The following STK32A variants were observed in gnomAD, a reference collection of about 807,000 sequenced individuals.
STK32A encodes serine/threonine kinase 32A.
A neutral mutation model predicts 53.2 loss-of-function variants in STK32A; 41 were observed. That is an observed-to-expected ratio of 0.77 (90% CI 0.60 to 1.00). STK32A has a LOEUF of 1.00. Ranked by LOEUF, STK32A falls within the 50% of genes least tolerant of loss-of-function variation. The pLI is 0.00. For synonymous variants in STK32A, 166 were observed against 162.8 expected (o/e 1.02, Z -0.15); for missense variants, 458 against 485.8 (o/e 0.94, Z 0.54).
intron 6 of STK32A, among the ~76,000 whole-genome samples, chr5:147,343,464 CT>C: frequency 6.6e-6 from 1 of 152,154 alleles, no homozygotes; most frequent in Non-Finnish European, 1.5e-5. Flanking sequence ...ATTGCATCTA[CT>C]TTTTTGCATT....
At chr5:147,396,521 C>T in the STK32A span, among the ~76,000 whole-genome samples, 1 of 152,142 alleles carries the variant, frequency 6.6e-6, no homozygotes, top group Non-Finnish European at 1.5e-5. Context: ...GGAGCCTGAC[C>T]GTGCAGGATG....
At chr5:147,299,019 C>T (rs1032545080) in intron 4 of STK32A, among the ~76,000 whole-genome samples, 2 of 151,970 alleles carry the variant, frequency 1.3e-5, no homozygotes, top group East Asian at 1.9e-4. Context: ...GATCCATACC[C>T]CAAGAGAGGG....
chr5:147,268,329 TCTC>T (rs1422686349), intron 2 of STK32A, among the ~76,000 whole-genome samples: 3 of 152,176 alleles, frequency 2.0e-5, no homozygotes, highest in South Asian at 2.1e-4. Flanking sequence ...GTTGTAATAA[TCTC>T]CTCTAGGATG....
rs1041341728 is a variant in STK32A at position 147,347,006 on chromosome 5, G to A, written c.472+3963G>A. ...GTGTCCTTTTAAAACAACATACAGTGTAGAATACAGTAACTTATCCCCATT... is the reference window on the plus strand; with the variant it reads ...GTGTCCTTTTAAAACAACATACAGTATAGAATACAGTAACTTATCCCCATT... On this transcript the variant is annotated intron_variant, in intron 6 of 12. Transcript: ENST00000397936. Among the ~76,000 whole-genome samples, 14 of 152,282 alleles carry A rather than the reference G, an allele frequency of 9.2e-5. No individual in the cohort carries two copies. The East Asian group carries it at 2.5e-3, about 27-fold the overall frequency.
the STK32A span, chr5:147,400,905 G>A: frequency 6.4e-7 from 1 of 1,559,570 alleles, no homozygotes; most frequent in Non-Finnish European, 8.7e-7. Context: ...AGAGTCTTGT[G>A]TTTACTGTGA....
intron 2 of STK32A, among the ~76,000 whole-genome samples, chr5:147,276,467 A>C (rs1755266515): frequency 6.6e-6 from 1 of 152,244 alleles, no homozygotes; most frequent in African/African-American, 2.4e-5. Flanking sequence ...CACAGCTCAA[A>C]AACACTGCCT....
chr5:147,254,410 T>C (rs1407177299), intron 2 of STK32A, among the ~76,000 whole-genome samples: 1 of 152,210 alleles, frequency 6.6e-6, no homozygotes, highest in Non-Finnish European at 1.5e-5. Flanking sequence ...CTTTACATAC[T>C]AAGGGTTCCC....
intron 1 of STK32A, among the ~76,000 whole-genome samples, chr5:147,237,431 C>G (rs778952405): frequency 2.6e-5 from 4 of 152,124 alleles, no homozygotes; most frequent in Non-Finnish European, 4.4e-5. Context: ...GCACAAAGAC[C>G]ACCCCATTTG....
At chr5:147,373,680 GA>G (rs1278445091) in intron 10 of STK32A, among the ~76,000 whole-genome samples, 2 of 152,122 alleles carry the variant, frequency 1.3e-5, no homozygotes, top group Non-Finnish European at 2.9e-5. Flanking sequence ...CTGAGTCAAA[GA>G]ATTGAAAATT....
Position 147,386,745 on chromosome 5 carries a change from G to A in STK32A, c.*2762G>A, listed in dbSNP as rs557825816. 6.6e-6 allele frequency: 1 copy of A among 152,318 alleles called. No homozygotes were observed. The highest frequency in any genetic ancestry group is 6.5e-5 in the Admixed American group (1 of 15,302). 9.4% of individuals were successfully genotyped at this position (152,318 alleles called of 1,614,324 possible). Reference sequence around the variant, plus strand: ...GTGCTAGCCAGGTGAATGACACACAGTGTATTTCAAGTTTGAAAAGCAAAA... The same window carrying A: ...GTGCTAGCCAGGTGAATGACACACAATGTATTTCAAGTTTGAAAAGCAAAA... On this transcript the variant is annotated 3_prime_UTR_variant, in exon 13 of 13. Transcript: ENST00000397936.
chr5:147,378,997 A>G (rs1757348201), intron 11 of STK32A, among the ~76,000 whole-genome samples: 1 of 151,524 alleles, frequency 6.6e-6, no homozygotes, highest in African/African-American at 2.4e-5. Context: ...AATAGCATTG[A>G]ATCTATAAAT....
intron 4 of STK32A, among the ~76,000 whole-genome samples, chr5:147,301,901 T>TC (rs1307819972): frequency 2.6e-5 from 4 of 152,124 alleles, no homozygotes; most frequent in Admixed American, 2.0e-4. Flanking sequence ...TGTGGCCCCT[T>TC]CCTTTATCTT....
intron 4 of STK32A, among the ~76,000 whole-genome samples, chr5:147,289,159 T>C (rs574623803): frequency 1.2e-5 from 1 of 81,138 alleles, no homozygotes; most frequent in African/African-American, 4.1e-5. Flanking sequence ...ATGTTGCTTG[T>C]TTTGTTTTGT....
chr5:147,246,502 G>C (rs1753770368), intron 2 of STK32A, among the ~76,000 whole-genome samples: 1 of 152,142 alleles, frequency 6.6e-6, no homozygotes, highest in Admixed American at 6.5e-5. Flanking sequence ...TGAAATCTCA[G>C]TCTTCTGCTA....
chr5:147,257,695 C>T (rs1396989727), intron 2 of STK32A, among the ~76,000 whole-genome samples: 1 of 152,136 alleles, frequency 6.6e-6, no homozygotes, highest in Non-Finnish European at 1.5e-5. Flanking sequence ...AAGGTAGGGT[C>T]CTTCCCAGGC....
intron 4 of STK32A, among the ~76,000 whole-genome samples, chr5:147,295,419 G>A (rs1460180196): frequency 2.0e-5 from 3 of 152,154 alleles, no homozygotes; most frequent in Non-Finnish European, 2.9e-5. Flanking sequence ...CAAATGTCAG[G>A]CAGTTGCCAC....
At chr5:147,306,170 C>T (rs1006492313) in intron 4 of STK32A, among the ~76,000 whole-genome samples, 1 of 151,658 alleles carries the variant, frequency 6.6e-6, no homozygotes, top group Admixed American at 6.6e-5. Context: ...ATGGTATCTC[C>T]CTGTGGTTTT....
chr5:147,316,243 A>T (rs1753986026), intron 4 of STK32A, among the ~76,000 whole-genome samples: 1 of 152,208 alleles, frequency 6.6e-6, no homozygotes, highest in South Asian at 2.1e-4. Flanking sequence ...AATTTCTGTA[A>T]TCTTGAATGT....
intron 2 of STK32A, among the ~76,000 whole-genome samples, chr5:147,250,874 G>A (rs1487046760): frequency 1.3e-5 from 2 of 150,904 alleles, no homozygotes; most frequent in Non-Finnish European, 2.9e-5. Context: ...CCCGGGAGGT[G>A]GAGCTGGCAG....
Sources: gnomAD v4.1 joint callset for allele counts (sites outside exome capture counted in the v4.1 genomes callset) on GRCh38, gnomAD v4.1.1 for gene constraint, MANE v1.5 for transcripts, NCBI Gene and HGNC (gene_info 2026-07-23, HGNC 2026-07-21) for gene names.